The following KCNIP4 variants were observed in gnomAD, a reference collection of about 807,000 sequenced individuals.
KCNIP4 encodes potassium voltage-gated channel interacting protein 4, also known as Kv channel-interacting protein 4.
Under a neutral mutation model 34.0 loss-of-function variants are expected in KCNIP4, and 12 were observed. That is an observed-to-expected ratio of 0.35 (90% CI 0.23 to 0.57). The LOEUF (loss-of-function observed/expected upper bound fraction) is 0.57, where lower values mean the gene tolerates loss of function less well. Ranked by LOEUF, KCNIP4 falls within the 20% of genes least tolerant of loss-of-function variation. The pLI is 0.83. For missense variants in KCNIP4, 238 were observed against 311.7 expected, an observed-to-expected ratio of 0.76 and a Z score of 1.78; for synonymous variants, 124 against 102.2, an observed-to-expected ratio of 1.21 and a Z score of -1.29.
chr4:21,326,717 CT>C (rs1175906660), intron 1 of KCNIP4, among the ~76,000 whole-genome samples: 1 of 151,176 alleles, frequency 6.6e-6, no homozygotes, highest in African/African-American at 2.4e-5. Context: ...TTTTCTCTTC[CT>C]TTTTTCCTTC....
intron 1 of KCNIP4, among the ~76,000 whole-genome samples, chr4:21,178,087 C>A (rs796434123): frequency 9.9e-5 from 15 of 152,104 alleles, no homozygotes; most frequent in African/African-American, 3.6e-4. Context: ...GCTACAAATC[C>A]CTGCAGACTT....
At chr4:21,379,798 T>C (rs1461749939) in intron 1 of KCNIP4, among the ~76,000 whole-genome samples, 2 of 152,198 alleles carry the variant, frequency 1.3e-5, no homozygotes, top group African/African-American at 4.8e-5. Flanking sequence ...CCTTCCTGTA[T>C]AGAAATTTTG....
At chr4:21,278,920 A>G (rs942376644) in intron 1 of KCNIP4, among the ~76,000 whole-genome samples, 1 of 152,222 alleles carries the variant, frequency 6.6e-6, no homozygotes, top group Admixed American at 6.5e-5. Flanking sequence ...ATAGTATTAC[A>G]TGACTGTAAT....
chr4:21,694,059 G>A (rs1577858967), intron 1 of KCNIP4, among the ~76,000 whole-genome samples: 1 of 152,096 alleles, frequency 6.6e-6, no homozygotes, highest in South Asian at 2.1e-4. Flanking sequence ...CTTCAAATAA[G>A]TACCCTAAAA....
At chr4:21,523,987 A>G (rs982246994) in intron 1 of KCNIP4, among the ~76,000 whole-genome samples, 2 of 152,304 alleles carry the variant, frequency 1.3e-5, no homozygotes, top group East Asian at 1.9e-4. Flanking sequence ...TCCAAAATGT[A>G]TGATATTTCT....
intron 1 of KCNIP4, among the ~76,000 whole-genome samples, chr4:21,668,782 T>C (rs1277513894): frequency 6.6e-6 from 1 of 152,076 alleles, no homozygotes; most frequent in African/African-American, 2.4e-5. Flanking sequence ...AGTAATACAA[T>C]TTACTTATAA....
chr4:21,485,377 C>G (rs1731812046), intron 1 of KCNIP4, among the ~76,000 whole-genome samples: 1 of 152,130 alleles, frequency 6.6e-6, no homozygotes, highest in Non-Finnish European at 1.5e-5. Context: ...TTGTCTATGT[C>G]TCTAAATTTA....
At chr4:21,308,740 A>G (rs1485490464) in intron 1 of KCNIP4, among the ~76,000 whole-genome samples, 1 of 140,350 alleles carries the variant, frequency 7.1e-6, no homozygotes, top group Non-Finnish European at 1.6e-5. Context: ...GTGTGTGTGT[A>G]GCAGATAAGT....
chr4:21,686,341 A>C (rs913169656), intron 1 of KCNIP4, among the ~76,000 whole-genome samples: 1 of 152,160 alleles, frequency 6.6e-6, no homozygotes, highest in African/African-American at 2.4e-5. Flanking sequence ...GTGTGTGTAA[A>C]ATCTCTAAAA....
intron 1 of KCNIP4, among the ~76,000 whole-genome samples, chr4:21,622,787 C>T (rs1029964681): frequency 6.6e-6 from 1 of 152,040 alleles, no homozygotes; most frequent in Admixed American, 6.6e-5. Flanking sequence ...GAAGGAGTGA[C>T]CTGAATTTTA....
chr4:21,834,663 C>G (rs1463228519), intron 1 of KCNIP4, among the ~76,000 whole-genome samples: 1 of 152,094 alleles, frequency 6.6e-6, no homozygotes, highest in Non-Finnish European at 1.5e-5. Context: ...GCATCCCTGT[C>G]TTGTGCCAGT....
At chr4:20,813,379 G>A (rs1281530777) in intron 3 of KCNIP4, among the ~76,000 whole-genome samples, 1 of 152,142 alleles carries the variant, frequency 6.6e-6, no homozygotes, top group Non-Finnish European at 1.5e-5. Flanking sequence ...GCACAAAGGT[G>A]TCATTGAGGG....
chr4:20,774,375 C>G (rs1756187748), intron 3 of KCNIP4, among the ~76,000 whole-genome samples: 1 of 152,116 alleles, frequency 6.6e-6, no homozygotes, highest in Non-Finnish European at 1.5e-5. Flanking sequence ...ACAGCCCCTT[C>G]CTTATGAGCC....
At chr4:21,117,969 G>A (rs1049717957) in intron 1 of KCNIP4, among the ~76,000 whole-genome samples, 1 of 152,152 alleles carries the variant, frequency 6.6e-6, no homozygotes, top group Admixed American at 6.6e-5. Context: ...TTTGTTATGT[G>A]TTAGTCACTG....
intron 3 of KCNIP4, among the ~76,000 whole-genome samples, chr4:20,828,375 C>T (rs2149454014): frequency 6.6e-6 from 1 of 152,244 alleles, no homozygotes; most frequent in Middle Eastern, 3.4e-3. Context: ...TGCAGTGACC[C>T]GAGATCGTGC....
At chr4:20,761,863 T>C (rs1238027157) in intron 3 of KCNIP4, among the ~76,000 whole-genome samples, 1 of 152,188 alleles carries the variant, frequency 6.6e-6, no homozygotes, top group Non-Finnish European at 1.5e-5. Flanking sequence ...ACCAGATAAA[T>C]TTGTTTTTAT....
intron 1 of KCNIP4, among the ~76,000 whole-genome samples, chr4:21,793,990 T>A (rs35388558): frequency 0.049 from 7,534 of 152,270 alleles, 233 homozygotes; most frequent in African/African-American, 0.087. Context: ...TGTAGGGACA[T>A]GGATGAAGCT....
intron 1 of KCNIP4, among the ~76,000 whole-genome samples, chr4:21,763,728 A>T (rs1456780909): frequency 6.6e-6 from 1 of 152,156 alleles, no homozygotes; most frequent in Non-Finnish European, 1.5e-5. Flanking sequence ...CATAAGTAGA[A>T]TGCTTCTTCC....
intron 1 of KCNIP4, among the ~76,000 whole-genome samples, chr4:21,921,329 C>G (rs2063166075): frequency 6.6e-6 from 1 of 151,776 alleles, no homozygotes; most frequent in African/African-American, 2.4e-5. Flanking sequence ...ACACGTATGC[C>G]TCACCTTCTT....
Sources: gnomAD v4.1 joint callset for allele counts (sites outside exome capture counted in the v4.1 genomes callset) on GRCh38, gnomAD v4.1.1 for gene constraint, MANE v1.5 for transcripts, NCBI Gene and HGNC (gene_info 2026-07-23, HGNC 2026-07-21) for gene names.